LRRC7: variants seen among roughly 807,000 people sequenced by gnomAD.
LRRC7 encodes leucine-rich repeat-containing protein 7.
A neutral mutation model predicts 175.7 loss-of-function variants in LRRC7; 23 were observed. The ratio of observed to expected loss-of-function variants is 0.13; its 90% CI spans 0.09 to 0.19. The LOEUF is 0.19. Among genes scored for constraint, LRRC7 ranks in the 10% least tolerant of loss-of-function variants. The probability of loss-of-function intolerance (pLI) is 1.00; values close to 1 mark genes in which losing one functional copy is unlikely to be tolerated. For synonymous variants in LRRC7, 685 were observed against 680.9 expected (o/e 1.01, Z -0.09); for missense variants, 1,354 against 1,904.7 (o/e 0.71, Z 5.38).
At chr1:69,635,170 A>T (rs1448657369) in intron 1 of LRRC7, among the ~76,000 whole-genome samples, 1 of 152,032 alleles carries the variant, frequency 6.6e-6, no homozygotes, top group Non-Finnish European at 1.5e-5. Flanking sequence ...AAATGAGAAC[A>T]TGCAGTGTTT....
intron 1 of LRRC7, among the ~76,000 whole-genome samples, chr1:69,612,540 G>T (rs1230587765): frequency 6.6e-6 from 1 of 152,090 alleles, no homozygotes; most frequent in African/African-American, 2.4e-5. Flanking sequence ...GAAGGTGGAA[G>T]ATTAGGTTTA....
intron 1 of LRRC7, among the ~76,000 whole-genome samples, chr1:69,674,716 A>G (rs993767582): frequency 1.1e-4 from 16 of 152,142 alleles, no homozygotes. Context: ...TAAGTTCTTC[A>G]TCTATAAAAA....
At chr1:69,951,138 A>G (rs765622649) in intron 8 of LRRC7, among the ~76,000 whole-genome samples, 1 of 152,098 alleles carries the variant, frequency 6.6e-6, no homozygotes, top group South Asian at 2.1e-4. Context: ...ACATGAACGT[A>G]CTTTTCAAAA....
chr1:69,922,115 G>A (rs1297721349), intron 7 of LRRC7, among the ~76,000 whole-genome samples: 3 of 151,976 alleles, frequency 2.0e-5, no homozygotes, highest in African/African-American at 7.2e-5. Flanking sequence ...TAGAGAGACG[G>A]GGGTTTCACC....
At chr1:69,644,417 CT>C (rs924811042) in intron 1 of LRRC7, among the ~76,000 whole-genome samples, 3 of 151,988 alleles carry the variant, frequency 2.0e-5, no homozygotes, top group African/African-American at 7.2e-5. Flanking sequence ...CTCTGTCTCT[CT>C]TTTTAAAGTC....
intron 3 of LRRC7, among the ~76,000 whole-genome samples, chr1:69,771,774 T>A (rs187624507): frequency 3.2e-4 from 48 of 152,246 alleles, no homozygotes; most frequent in Admixed American, 1.8e-3. Flanking sequence ...AGCATGTAAA[T>A]CAACAAACAA....
At chr1:70,046,047 A>G (rs1390306352) in intron 22 of LRRC7, among the ~76,000 whole-genome samples, 1 of 152,136 alleles carries the variant, frequency 6.6e-6, no homozygotes, top group African/African-American at 2.4e-5. Flanking sequence ...AAATTCAGTG[A>G]ACAAATTAAA....
At chr1:69,738,040 A>G (rs1360350282) in intron 2 of LRRC7, among the ~76,000 whole-genome samples, 1 of 152,002 alleles carries the variant, frequency 6.6e-6, no homozygotes, top group Non-Finnish European at 1.5e-5. Flanking sequence ...TTTGGCAGAA[A>G]CGGCTTAATC....
intron 26 of LRRC7, among the ~76,000 whole-genome samples, chr1:70,114,461 G>A (rs1200565669): frequency 1.3e-5 from 2 of 152,122 alleles, no homozygotes; most frequent in African/African-American, 4.8e-5. Context: ...GCAGAGGCAG[G>A]AGGATTGCTT....
chr1:69,785,686 T>A (rs1324839364), intron 3 of LRRC7, among the ~76,000 whole-genome samples: 1 of 152,150 alleles, frequency 6.6e-6, no homozygotes, highest in Non-Finnish European at 1.5e-5. Flanking sequence ...TCTAGAAATG[T>A]AAACATACCA....
At chr1:69,626,827 T>G (rs1749482) in intron 1 of LRRC7, among the ~76,000 whole-genome samples, 19,387 of 151,288 alleles carry the variant, frequency 0.13, 1,581 homozygotes, top group South Asian at 0.19. Context: ...TGCGGTGTTT[T>G]GTTTTTTGTC....
chr1:69,935,242 A>G (rs188142012), intron 8 of LRRC7, among the ~76,000 whole-genome samples: 231 of 152,184 alleles, frequency 1.5e-3, no homozygotes, highest in Middle Eastern at 0.01. Flanking sequence ...AAGGACTCCT[A>G]AAAAGAATAA....
At chr1:70,035,198 C>T (rs950972248) in intron 18 of LRRC7, among the ~76,000 whole-genome samples, 1 of 152,024 alleles carries the variant, frequency 6.6e-6, no homozygotes, top group Non-Finnish European at 1.5e-5. Flanking sequence ...GAAGACATAA[C>T]GATAGCTGCT....
At chr1:70,100,006 G>T (rs1013751553) in intron 25 of LRRC7, among the ~76,000 whole-genome samples, 2 of 152,088 alleles carry the variant, frequency 1.3e-5, no homozygotes, top group Admixed American at 6.5e-5. Context: ...AAGAACATAT[G>T]ACAAGCAAGT....
intron 4 of LRRC7, among the ~76,000 whole-genome samples, chr1:69,796,128 C>T (rs1675732853): frequency 8.6e-6 from 1 of 116,762 alleles, no homozygotes; most frequent in Admixed American, 9.8e-5. Context: ...CTCCCCCCAC[C>T]CCTCAACAGT....
At chr1:70,043,100 T>A (rs1469550140) in intron 21 of LRRC7, among the ~76,000 whole-genome samples, 1 of 152,182 alleles carries the variant, frequency 6.6e-6, no homozygotes, top group Admixed American at 6.5e-5. Flanking sequence ...GCAAACAATT[T>A]GATAACAGGG....
At chr1:69,907,742 T>C (rs560877076) in intron 7 of LRRC7, among the ~76,000 whole-genome samples, 19 of 152,230 alleles carry the variant, frequency 1.2e-4, no homozygotes, top group East Asian at 5.8e-4. Flanking sequence ...TGTGTCTCTG[T>C]CAGGCTTTGG....
At chr1:69,824,814 A>C (rs1175563695) in intron 4 of LRRC7, among the ~76,000 whole-genome samples, 1 of 152,156 alleles carries the variant, frequency 6.6e-6, no homozygotes, top group African/African-American at 2.4e-5. Flanking sequence ...GTTCTTTTTG[A>C]AAATTTTTGC....
At chr1:69,956,835 T>C (rs1323122400) in intron 8 of LRRC7, among the ~76,000 whole-genome samples, 22 of 151,642 alleles carry the variant, frequency 1.5e-4, no homozygotes, top group Non-Finnish European at 4.4e-5. Flanking sequence ...ACTCTAATAG[T>C]GTTTAAAAAT....
Sources: gnomAD v4.1 joint callset for allele counts (sites outside exome capture counted in the v4.1 genomes callset) on GRCh38, gnomAD v4.1.1 for gene constraint, MANE v1.5 for transcripts, NCBI Gene and HGNC (gene_info 2026-07-23, HGNC 2026-07-21) for gene names.